The following LHX4 variants were observed in gnomAD, a reference collection of about 807,000 sequenced individuals.
LHX4 encodes LIM homeobox 4.
In LHX4, 16 loss-of-function variants were observed where a neutral mutation model predicts 39.2. The observed-to-expected ratio is 0.41, with a 90% CI of 0.28 to 0.62. LHX4 has a LOEUF of 0.62. Among genes scored for constraint, LHX4 ranks in the 20% least tolerant of loss-of-function variants. LHX4 has a pLI of 0.33. For missense variants in LHX4, 439 were observed against 511.9 expected (o/e 0.86, Z 1.37); for synonymous variants, 206 against 198.1 (o/e 1.04, Z -0.33).
rs1649071835 is a variant in LHX4 at position 180,276,926 on chromosome 1, T to G, written c.*2347T>G. 1 of 152,178 alleles carries G rather than the reference T, an allele frequency of 6.6e-6. No homozygotes were observed. The highest frequency in any genetic ancestry group is 2.4e-5 in the African/African-American group (1 of 41,426). 9.4% of individuals were successfully genotyped at this position (152,178 alleles called of 1,614,324 possible). A position where few individuals can be genotyped will look rare whatever the true frequency, so the allele number is the denominator to read the frequency against. Reference sequence around the variant, plus strand: ...GTAAGTTAATCATACTAATTCCCAGTTCAATAGTGGAAGGAGAGGCCTTCC... The same window carrying G: ...GTAAGTTAATCATACTAATTCCCAGGTCAATAGTGGAAGGAGAGGCCTTCC... On this transcript the variant is annotated 3_prime_UTR_variant, in exon 6 of 6. Coordinates refer to ENST00000263726, the MANE Select transcript of LHX4 (RefSeq NM_033343.4).
rs771166162 is a variant in LHX4, at chr1:180,274,609, C to G, written c.*30C>G. The G allele has an allele frequency of 1.0e-5, 16 of 1,527,992 alleles. No individual in the cohort carries two copies. In the South Asian group the frequency reaches 1.4e-4, roughly 13 times the overall value. 94.7% of individuals were successfully genotyped at this position (1,527,992 alleles called of 1,614,324 possible). ...CTCTCCTCCCCACCCTACCTGCCCC[C>G]CTGGCTTGAGAGAATATCTTCAAGG... On this transcript the variant is annotated 3_prime_UTR_variant, in exon 6 of 6. Coordinates refer to ENST00000263726, the MANE Select transcript of LHX4 (RefSeq NM_033343.4).
At position 180,266,655 on chromosome 1, in the gene LHX4, C is replaced by T; in HGVS notation, c.451+61C>T. ...GCCTTTGTTTGGGCCACGCCCTCTGCCTGAGGTGCCCTTCTCATGGCGTCC... is the reference window on the plus strand; with the variant it reads ...GCCTTTGTTTGGGCCACGCCCTCTGTCTGAGGTGCCCTTCTCATGGCGTCC... On this transcript the variant is annotated intron_variant, in intron 3 of 5. Transcript: ENST00000263726. This position sits in a 1 kb window ranked among gnomAD's most constrained non-coding sequence, Gnocchi z 5.7. 6.6e-7 allele frequency: 1 copy of T among 1,513,948 alleles called. No individual in the cohort carries two copies. Among genetic ancestry groups the T allele is most frequent in the African/African-American group, 1.4e-5 (1 of 72,810 alleles). The allele number at this position is 1,513,948 out of a possible 1,614,324, so 93.8% of individuals were successfully genotyped here.
At chr1:180,265,854 C>T (rs560061561) in intron 2 of LHX4, among the ~76,000 whole-genome samples, 11 of 152,318 alleles carry the variant, frequency 7.2e-5, no homozygotes, top group African/African-American at 2.4e-4. Context: ...GCTGTCAGGA[C>T]AGCCTTGCTC....
chr1:180,262,281 G>GAAAAAAA (rs34979970), intron 2 of LHX4, among the ~76,000 whole-genome samples: 2 of 132,558 alleles, frequency 1.5e-5, no homozygotes, highest in Non-Finnish European at 3.2e-5. Context: ...ACTTTGAAAG[G>GAAAAAAA]AAAAAAAAAA....
chr1:180,277,980 A>G lies in LHX4; in HGVS notation c.*3401A>G, dbSNP rs1649140091. ...AGGAAGTGTAAGAAATCTGTAAAAC[A>G]AAAGACATTCCTATCTCAGAAGCTC... On this transcript the variant is annotated 3_prime_UTR_variant, in exon 6 of 6. Transcript: ENST00000263726. 6.6e-6 allele frequency: 1 copy of G among 151,588 alleles called. No homozygotes were observed. Among genetic ancestry groups the G allele is most frequent in the Admixed American group, 6.6e-5 (1 of 15,238 alleles). 9.4% of individuals were successfully genotyped at this position (151,588 alleles called of 1,614,324 possible).
rs1284739156 is a variant in LHX4 at position 180,266,775 on chromosome 1, GGCCGTTA to G, written c.451+184_451+190del. 1.3e-5 allele frequency among the ~76,000 whole-genome samples: 2 copies of G among 152,184 alleles called. No homozygotes were observed. The highest frequency in any genetic ancestry group is 2.9e-5 in the Non-Finnish European group (2 of 68,030). ...GAGAGTAAATGCTGAACACCTCCCC[GGCCGTTA>G]GCACTCGCCGGCTTCATGGAAGTGT... is the stretch of plus-strand genomic sequence containing the variant. On this transcript the variant is annotated intron_variant, in intron 3 of 5. Coordinates refer to ENST00000263726, the MANE Select transcript of LHX4 (RefSeq NM_033343.4). The surrounding 1 kb of genome is among the most constrained non-coding windows in gnomAD (Gnocchi z 5.7).
intron 1 of LHX4, among the ~76,000 whole-genome samples, chr1:180,233,029 C>T (rs1571253069): frequency 6.6e-6 from 1 of 152,208 alleles, no homozygotes; most frequent in Admixed American, 6.5e-5. Context: ...CACTTGGGGA[C>T]GCAGGTCTAG....
At chr1:180,272,117 A>G (rs537047814) in intron 5 of LHX4, 111 bp downstream of exon 5, 59 of 941,932 alleles carry the variant, frequency 6.3e-5, no homozygotes, top group South Asian at 5.7e-4. Flanking sequence ...CTCCCTCCTG[A>G]ACACAGGCTT....
intron 1 of LHX4, among the ~76,000 whole-genome samples, chr1:180,238,141 C>T (rs976796804): frequency 1.3e-5 from 2 of 152,182 alleles, no homozygotes; most frequent in Admixed American, 1.3e-4. Context: ...ATCCAAATTA[C>T]AGCCTTAAAA....
At chr1:180,248,802 T>A (rs1391660607) in intron 2 of LHX4, 2 of 358,576 alleles carry the variant, frequency 5.6e-6, no homozygotes, top group East Asian at 1.4e-4. Flanking sequence ...TCTGTCCTGA[T>A]ATATTGGTGC....
intron 2 of LHX4, among the ~76,000 whole-genome samples, chr1:180,265,282 G>A (rs1648265819): frequency 6.6e-6 from 1 of 152,204 alleles, no homozygotes; most frequent in Non-Finnish European, 1.5e-5. Context: ...GAAATGTCAT[G>A]AATAATTAGG....
chr1:180,229,041 A>G (rs990475805), upstream of LHX4, among the ~76,000 whole-genome samples: 5 of 152,254 alleles, frequency 3.3e-5, no homozygotes, highest in Non-Finnish European at 7.3e-5. Context: ...ATGGAGCGTC[A>G]GAGGAGACCT....
intron 4 of LHX4, 149 bp from the exon 5 acceptor site, chr1:180,271,686 C>T: frequency 7.6e-7 from 1 of 1,311,374 alleles, no homozygotes; most frequent in Non-Finnish European, 1.1e-6. Context: ...TGAGGCCCAC[C>T]TGGGGAGAGG....
intron 2 of LHX4, among the ~76,000 whole-genome samples, chr1:180,262,841 T>C (rs1648163879): frequency 1.3e-5 from 2 of 152,252 alleles, no homozygotes; most frequent in South Asian, 4.1e-4. Context: ...GTGGCTTGCC[T>C]ACTATGTGCT....
At chr1:180,253,273 G>A (rs1647702605) in intron 2 of LHX4, among the ~76,000 whole-genome samples, 1 of 152,238 alleles carries the variant, frequency 6.6e-6, no homozygotes. Context: ...GGCCCAGAGA[G>A]AGTAGGGATC....
chr1:180,248,567 G>GGAGGGGCAGGTAAATCCTGGAGCTGA, intron 2 of LHX4, 111 bp downstream of exon 2: 1 of 1,154,682 alleles, frequency 8.7e-7, no homozygotes, highest in Non-Finnish European at 1.3e-6. Flanking sequence ...GTCCACTCTG[G>GGAGGGGCAGGTAAATCCTGGAGCTGA]GAGGGGCAGG....
Position 180,274,761 on chromosome 1 carries a change from A to G in LHX4, c.*182A>G. ...ACACTAGGGCATTGTTTCCCTGGGG[A>G]AGCAGTGGGAGAGCAGACTCATCTC... On this transcript the variant is annotated 3_prime_UTR_variant, in exon 6 of 6. Coordinates refer to ENST00000263726, the MANE Select transcript of LHX4 (RefSeq NM_033343.4). 1 of 688,372 alleles carries G rather than the reference A, an allele frequency of 1.5e-6. No individual in the cohort carries two copies. The highest frequency in any genetic ancestry group is 2.1e-5 in the South Asian group (1 of 47,884). The allele number at this position is 688,372 out of a possible 1,614,324, so 42.6% of individuals were successfully genotyped here.
chr1:180,264,216 T>C (rs1412043006), intron 2 of LHX4, among the ~76,000 whole-genome samples: 1 of 152,158 alleles, frequency 6.6e-6, no homozygotes. Flanking sequence ...CCTCCCAAAG[T>C]GCTGGGATTA....
upstream of LHX4, among the ~76,000 whole-genome samples, chr1:180,229,572 G>C (rs1272535509): frequency 2.0e-5 from 3 of 152,170 alleles, no homozygotes; most frequent in South Asian, 2.1e-4. Flanking sequence ...GGGGGAGAGA[G>C]AGCAGGGGCT....
Sources: gnomAD v4.1 joint callset for allele counts (sites outside exome capture counted in the v4.1 genomes callset) on GRCh38, gnomAD v4.1.1 for gene constraint, Gnocchi (gnomAD v3.1) non-coding constraint, MANE v1.5 for transcripts, NCBI Gene and HGNC (gene_info 2026-07-23, HGNC 2026-07-21) for gene names.